Variants in AMPH observed in about 807,000 individuals in gnomAD.
The protein encoded by AMPH is amphiphysin (Stiff-Mann syndrome with breast cancer 128kD autoantigen).
Under a neutral mutation model 99.1 loss-of-function variants are expected in AMPH, and 49 were observed. The ratio of observed to expected loss-of-function variants is 0.49; its 90% CI spans 0.39 to 0.63. The LOEUF is 0.63. Ranked by LOEUF, AMPH falls within the 20% of genes least tolerant of loss-of-function variation. AMPH has a pLI of 0.00. For missense variants in AMPH, 759 were observed against 863.4 expected (o/e 0.88, Z 1.52); for synonymous variants, 314 against 317.3 (o/e 0.99, Z 0.11).
chr7:38,472,997 G>A (rs558820621), intron 7 of AMPH, among the ~76,000 whole-genome samples: 65 of 152,286 alleles, frequency 4.3e-4, no homozygotes, highest in African/African-American at 1.4e-3. Flanking sequence ...GGATGTAGTA[G>A]AGATCACTAG....
In AMPH at chr7:38,540,692, C is replaced by CAAAAAAAAAAAAAAAAAAAAAAAA. The variant is rs373768495; in HGVS notation, c.70-5705_70-5682dup. 1.0e-4 allele frequency among the ~76,000 whole-genome samples: 2 copies of CAAAAAAAAAAAAAAAAAAAAAAAA among 19,752 alleles called. 1 individual carries two copies. The highest frequency in any genetic ancestry group is 1.8e-4 in the Non-Finnish European group (2 of 11,196). 13.0% of individuals were successfully genotyped at this position (19,752 alleles called of 152,430 possible). A position where few individuals can be genotyped will look rare whatever the true frequency, so the allele number is the denominator to read the frequency against. ...AGCTATGAGAAGGTGTGACCCCAAGCAAAAAAAAAAAAAAAAAAAAAAAAA... is the reference window on the plus strand; with the variant it reads ...AGCTATGAGAAGGTGTGACCCCAAGCAAAAAAAAAAAAAAAAAAAAAAAAAAAAAAAAAAAAAAAAAAAAAAAAA... On this transcript the variant is annotated intron_variant, in intron 1 of 20. Transcript: ENST00000356264.
At chr7:38,449,581 T>A (rs2129002547) in intron 11 of AMPH, among the ~76,000 whole-genome samples, 1 of 152,292 alleles carries the variant, frequency 6.6e-6, no homozygotes, top group Middle Eastern at 3.4e-3. Flanking sequence ...ATTTTCAGAA[T>A]ACCAGATGAT....
chr7:38,543,688 G>GT (rs1790893898), intron 1 of AMPH, among the ~76,000 whole-genome samples: 1 of 152,124 alleles, frequency 6.6e-6, no homozygotes, highest in Non-Finnish European at 1.5e-5. Flanking sequence ...CATACAGCTG[G>GT]TATGTAACCA....
chr7:38,471,207 G>A (rs910314308), intron 7 of AMPH, among the ~76,000 whole-genome samples: 2 of 152,120 alleles, frequency 1.3e-5, no homozygotes, highest in Non-Finnish European at 2.9e-5. Flanking sequence ...TTAGACTAAA[G>A]TTCCATGAAC....
chr7:38,434,183 C>T (rs993824328), intron 12 of AMPH, among the ~76,000 whole-genome samples: 2 of 152,160 alleles, frequency 1.3e-5, no homozygotes, highest in African/African-American at 4.8e-5. Context: ...CAGGGACACA[C>T]ACAGCTTGCC....
chr7:38,486,641 A>G (rs1181377493), intron 5 of AMPH, among the ~76,000 whole-genome samples: 1 of 152,088 alleles, frequency 6.6e-6, no homozygotes, highest in East Asian at 1.9e-4. Context: ...AAAACTACAG[A>G]CCAGTTTCGT....
intron 1 of AMPH, among the ~76,000 whole-genome samples, chr7:38,609,049 C>T (rs141751440): frequency 1.3e-5 from 2 of 152,196 alleles, no homozygotes; most frequent in East Asian, 3.9e-4. Flanking sequence ...GGGCTCTTGG[C>T]CCCAATCCCA....
At position 38,384,780 on chromosome 7, in the gene AMPH, A is replaced by T. The variant is rs1187589749; in HGVS notation, c.*38T>A. On this transcript the variant is annotated 3_prime_UTR_variant, in exon 21 of 21. Transcript: ENST00000356264. ...TTCAGGTTTTCATGAAGGTTTAAAA[A>T]CCCCGTAACTGAGCTCCTTCTTGCA... 4 of 1,547,128 alleles carry T rather than the reference A, an allele frequency of 2.6e-6. No individual in the cohort carries two copies. The African/African-American group carries it at 5.4e-5, about 21-fold the overall frequency.
At chr7:38,605,370 T>TA (rs1325232579) in intron 1 of AMPH, among the ~76,000 whole-genome samples, 1 of 152,208 alleles carries the variant, frequency 6.6e-6, no homozygotes, top group East Asian at 1.9e-4. Context: ...TTCTGCTGTA[T>TA]ATTAGTCAAT....
chr7:38,575,199 T>C (rs547026916), intron 1 of AMPH, among the ~76,000 whole-genome samples: 18 of 152,230 alleles, frequency 1.2e-4, no homozygotes, highest in Non-Finnish European at 2.1e-4. Context: ...AGACCCTCCA[T>C]TGGGCACTGG....
intron 11 of AMPH, among the ~76,000 whole-genome samples, chr7:38,453,385 C>G (rs371274144): frequency 4.6e-5 from 7 of 152,278 alleles, no homozygotes; most frequent in Admixed American, 3.3e-4. Flanking sequence ...GGCAAGCAGA[C>G]CCGGGAATAG....
intron 1 of AMPH, among the ~76,000 whole-genome samples, chr7:38,623,736 T>G (rs1479360528): frequency 6.6e-6 from 1 of 152,210 alleles, no homozygotes; most frequent in Non-Finnish European, 1.5e-5. Context: ...TTGCCCATTC[T>G]TTTTATACAT....
At chr7:38,474,865 T>A (rs12531584) in intron 7 of AMPH, among the ~76,000 whole-genome samples, 1 of 151,912 alleles carries the variant, frequency 6.6e-6, no homozygotes. Context: ...AGTCAGGGCT[T>A]AAAGTAGAGG....
rs149138439 is a variant in AMPH at position 38,519,529 on chromosome 7, G to A, written c.150+15402C>T. ...AAAATATTTTAAAATTGTACAAATT[G>A]AAGAACATAACTTGGACTTAAAGAC... On this transcript the variant is annotated intron_variant, in intron 2 of 20. Coordinates refer to ENST00000356264, the MANE Select transcript of AMPH (RefSeq NM_001635.4). 9.9e-5 allele frequency among the ~76,000 whole-genome samples: 15 copies of A among 152,260 alleles called. No homozygotes were observed. The East Asian group carries it at 2.9e-3, about 29-fold the overall frequency.
chr7:38,512,816 T>G (rs187010046), intron 2 of AMPH, among the ~76,000 whole-genome samples: 10 of 152,218 alleles, frequency 6.6e-5, no homozygotes, highest in Non-Finnish European at 1.3e-4. Flanking sequence ...TGAAATAAAA[T>G]AAATAAGAAT....
At position 38,503,498 on chromosome 7, in the gene AMPH, G is replaced by A. The variant is rs574280632; in HGVS notation, c.205+152C>T. On this transcript the variant is annotated intron_variant, in intron 3 of 20. Transcript: ENST00000356264. ...TCATTTCAATGGGAATTTGGGGCGG[G>A]GGGGTGGGTGGTGGAATGGAACACC... is the stretch of plus-strand genomic sequence containing the variant. The A allele has an allele frequency of 5.6e-4, 315 of 563,038 alleles. 6 individuals are homozygous for A. Among genetic ancestry groups the A allele is most frequent in the African/African-American group, 5.4e-3 (255 of 47,054 alleles). The allele number at this position is 563,038 out of a possible 1,614,324, so 34.9% of individuals were successfully genotyped here.
At position 38,610,211 on chromosome 7, in the gene AMPH, G is replaced by A. The variant is rs139721052; in HGVS notation, c.69+21072C>T. On this transcript the variant is annotated intron_variant, in intron 1 of 20. Transcript: ENST00000356264. ...AAATCGCACCATTGCACTCCAGCCC[G>A]GGCAACAAAAGCTAAGCTCTCTCAA... Among the ~76,000 whole-genome samples the A allele has an allele frequency of 4.3e-3, 515 of 119,054 alleles. 5 individuals carry two copies. The highest frequency in any genetic ancestry group is 0.012 in the African/African-American group (376 of 31,060). 78.1% of individuals were successfully genotyped at this position (119,054 alleles called of 152,430 possible). A position where few individuals can be genotyped will look rare whatever the true frequency, so the allele number is the denominator to read the frequency against.
intron 1 of AMPH, among the ~76,000 whole-genome samples, chr7:38,546,646 C>T (rs907787830): frequency 4.6e-5 from 7 of 152,014 alleles, no homozygotes; most frequent in African/African-American, 1.2e-4. Context: ...TTTGGGTATC[C>T]GGAGGGGTAT....
chr7:38,616,497 C>T (rs2129068624), intron 1 of AMPH, among the ~76,000 whole-genome samples: 1 of 152,244 alleles, frequency 6.6e-6, no homozygotes, highest in Admixed American at 6.5e-5. Context: ...GGTATTAACC[C>T]AAGATAAATA....
Sources: gnomAD v4.1 joint callset for allele counts (sites outside exome capture counted in the v4.1 genomes callset) on GRCh38, gnomAD v4.1.1 for gene constraint, MANE v1.5 for transcripts, NCBI Gene and HGNC (gene_info 2026-07-23, HGNC 2026-07-21) for gene names.